Variants in PLEKHG4B observed in about 807,000 individuals in gnomAD.
PLEKHG4B encodes the protein pleckstrin homology and RhoGEF domain containing G4B.
A neutral mutation model predicts 121.3 loss-of-function variants in PLEKHG4B; 111 were observed. The observed-to-expected ratio is 0.92, with a 90% CI of 0.78 to 1.07. PLEKHG4B has a LOEUF of 1.07. Ranked by LOEUF, PLEKHG4B falls within the 50% of genes least tolerant of loss-of-function variation. PLEKHG4B has a pLI of 0.00. For synonymous variants in PLEKHG4B, 738 were observed against 725.0 expected (o/e 1.02, Z -0.29); for missense variants, 1,831 against 1,757.8 (o/e 1.04, Z -0.74).
chr5:154,901 C>A lies in PLEKHG4B; in HGVS notation c.2019C>A (p.Ala673=). The A allele has an allele frequency of 6.2e-7, 1 of 1,613,924 alleles. No individual in the cohort carries two copies. The highest frequency in any genetic ancestry group is 8.5e-7 in the Non-Finnish European group (1 of 1,180,024). Residue 673 remains alanine, a synonymous_variant, in exon 8 of 20, where the codon GCC becomes GCA. Transcript: ENST00000637938. ...GTGAGGTCGTGAGCTCCCTGAAGGCCGTGCACAAATTTGTTGACAGCTGCC... is the reference window on the plus strand; with the variant it reads ...GTGAGGTCGTGAGCTCCCTGAAGGCAGTGCACAAATTTGTTGACAGCTGCC... ...IQCEVVSSLK[A]VHKFVDSCQL...
At position 162,791 on chromosome 5, in the gene PLEKHG4B, A is replaced by G; in HGVS notation, c.2719A>G (p.Ser907Gly). Residue 907 changes from serine to glycine, a missense_variant, in exon 13 of 20, where the codon AGC becomes GGC. Transcript: ENST00000637938. ...CTCACCCGTGGCTGAGTGTTTGAGG[A>G]GCTGTCACCAGGAGGCTACCTCGGT... ...PSSPVAECLR[S>G]CHQEATSVAA... 1.3e-6 allele frequency: 2 copies of G among 1,488,952 alleles called. No homozygotes were observed. Among genetic ancestry groups the G allele is most frequent in the Admixed American group, 2.5e-5 (1 of 40,606 alleles). 92.2% of individuals were successfully genotyped at this position (1,488,952 alleles called of 1,614,324 possible).
In PLEKHG4B at chr5:163,303, G is replaced by A; in HGVS notation, c.3231G>A (p.Lys1077=). The A allele has an allele frequency of 6.2e-7, 1 of 1,613,438 alleles. No individual in the cohort carries two copies. The highest frequency in any genetic ancestry group is 8.5e-7 in the Non-Finnish European group (1 of 1,180,008). The change falls in exon 13 of 20, where the codon AAG becomes AAA. Residue 1077 remains lysine (K), a synonymous_variant. Coordinates refer to ENST00000637938, the MANE Select transcript of PLEKHG4B (RefSeq NM_052909.5). Reference sequence around the variant, plus strand: ...GCCGCCCCAGGAAACATCCCCAGAAGAAAATGATAAAGAAAACGCAAAGTT... The same window carrying A: ...GCCGCCCCAGGAAACATCCCCAGAAAAAAATGATAAAGAAAACGCAAAGTT... ...LASRPRKHPQ[K]KMIKKTQSFE... is the part of the protein sequence containing the mutation.
chr5:135,665 C>CAAAAAAAAAAA (rs139636561), intron 2 of PLEKHG4B, among the ~76,000 whole-genome samples: 6 of 18,112 alleles, frequency 3.3e-4, no homozygotes, highest in African/African-American at 1.4e-3. Context: ...GACTCCATCT[C>CAAAAAAAAAAA]AAAAAAAAAA....
chr5:99,146 AG>A (rs1733720368), intron 1 of PLEKHG4B, among the ~76,000 whole-genome samples: 1 of 123,698 alleles, frequency 8.1e-6, no homozygotes, highest in Non-Finnish European at 1.6e-5. Context: ...ACAGTGCGAG[AG>A]TCTGTCTCAA....
rs756577907 is a variant in PLEKHG4B, at chr5:156,931, G to A, written c.2487+20G>A. On this transcript the variant is annotated intron_variant, in intron 11 of 19. Coordinates refer to ENST00000637938, the MANE Select transcript of PLEKHG4B (RefSeq NM_052909.5). This position sits in a 1 kb window ranked among gnomAD's most constrained non-coding sequence, Gnocchi z 4.4. ...GACCAGGTCAGAGCTGCAGGAGGAA[G>A]GCGGCCCGGTCAGCATCCCCTCCAG... 6.2e-7 allele frequency: 1 copy of A among 1,609,886 alleles called. No individual in the cohort carries two copies. Among genetic ancestry groups the A allele is most frequent in the South Asian group, 1.1e-5 (1 of 89,992 alleles).
chr5:156,750 G>A lies in PLEKHG4B; in HGVS notation c.2349-23G>A. ...TCCTCAAGGGGCCGCCTGGAAGCCT[G>A]AGGACTGCCTTCTCTTCCTCAGGGA... On this transcript the variant is annotated intron_variant, in intron 10 of 19. Transcript: ENST00000637938. This position sits in a 1 kb window ranked among gnomAD's most constrained non-coding sequence, Gnocchi z 4.4. 2 of 1,540,864 alleles carry A rather than the reference G, an allele frequency of 1.3e-6. No homozygotes were observed. Among genetic ancestry groups the A allele is most frequent in the Non-Finnish European group, 1.8e-6 (2 of 1,140,000 alleles).
Position 154,855 on chromosome 5 carries a change from C to A in PLEKHG4B, c.1993-20C>A. ...GAGATGCATCTGGAGCCATGACCAA[C>A]GAGTGCCTCTTCTTGGCAGTGTGAG... is the stretch of plus-strand genomic sequence containing the variant. On this transcript the variant is annotated intron_variant, in intron 7 of 19. Transcript: ENST00000637938. 3.1e-6 allele frequency: 5 copies of A among 1,593,640 alleles called. No individual in the cohort carries two copies. Among genetic ancestry groups the A allele is most frequent in the Non-Finnish European group, 4.3e-6 (5 of 1,162,010 alleles).
rs1735018765 is a variant in PLEKHG4B, at chr5:137,499, G to C, written c.244-1984G>C. ...TGGGCTGTGCCACTGCCTTAACCCG[G>C]ACCAGTTCCCTTCTACAGTGAAGAA... On this transcript the variant is annotated intron_variant, in intron 2 of 19. Coordinates refer to ENST00000637938, the MANE Select transcript of PLEKHG4B (RefSeq NM_052909.5). The surrounding 1 kb of genome is among the most constrained non-coding windows in gnomAD (Gnocchi z 4.2). 6.6e-6 allele frequency among the ~76,000 whole-genome samples: 1 copy of C among 152,102 alleles called. No homozygotes were observed. Among genetic ancestry groups the C allele is most frequent in the African/African-American group, 2.4e-5 (1 of 41,408 alleles).
At chr5:180,730 C>T (rs373338382) in intron 18 of PLEKHG4B, among the ~76,000 whole-genome samples, 4 of 152,330 alleles carry the variant, frequency 2.6e-5, no homozygotes, top group East Asian at 3.9e-4. Context: ...AAATAGCCTT[C>T]GGAGTTAGGG....
rs988231005 is a variant in PLEKHG4B, at chr5:139,096, G to A, written c.244-387G>A. 7.9e-5 allele frequency among the ~76,000 whole-genome samples: 12 copies of A among 152,176 alleles called. No individual in the cohort carries two copies. Among genetic ancestry groups the A allele is most frequent in the African/African-American group, 2.4e-4 (10 of 41,434 alleles). ...CCCCCCATAGGGTGGCCCTGACCAG[G>A]GCTGGCAGGGGCAAGTGTGGACGCC... On this transcript the variant is annotated intron_variant, in intron 2 of 19. Coordinates refer to ENST00000637938, the MANE Select transcript of PLEKHG4B (RefSeq NM_052909.5). The surrounding 1 kb of genome is among the most constrained non-coding windows in gnomAD (Gnocchi z 5.0).
chr5:181,389 G>T, intron 18 of PLEKHG4B, 125 bp from the exon 19 acceptor site: 1 of 993,386 alleles, frequency 1.0e-6, no homozygotes, highest in Non-Finnish European at 1.5e-6. Context: ...CCCTCGTGGG[G>T]CAGGGTGGGT....
intron 18 of PLEKHG4B, among the ~76,000 whole-genome samples, chr5:174,962 G>A (rs1374880593): frequency 3.3e-5 from 5 of 152,052 alleles, no homozygotes; most frequent in Non-Finnish European, 7.4e-5. Context: ...TTCCCCATGG[G>A]CACCCAAGAG....
intron 1 of PLEKHG4B, among the ~76,000 whole-genome samples, chr5:96,722 C>T (rs1450557926): frequency 6.6e-6 from 1 of 152,130 alleles, no homozygotes; most frequent in Non-Finnish European, 1.5e-5. Flanking sequence ...ACAGTGACCA[C>T]TCATGCCTCC....
In PLEKHG4B at chr5:161,012, G is replaced by T. The variant is rs976500659; in HGVS notation, c.2488-771G>T. Among the ~76,000 whole-genome samples the T allele has an allele frequency of 2.0e-5, 3 of 152,330 alleles. No individual in the cohort carries two copies. In the East Asian group the frequency reaches 5.8e-4, roughly 29 times the overall value. On this transcript the variant is annotated intron_variant, in intron 11 of 19. Coordinates refer to ENST00000637938, the MANE Select transcript of PLEKHG4B (RefSeq NM_052909.5). Reference sequence around the variant, plus strand: ...CATTCGGTACCTTCTGATGGTCATGGATCCAGGCAGCTGTTCTCTTCTTCA... The same window carrying T: ...CATTCGGTACCTTCTGATGGTCATGTATCCAGGCAGCTGTTCTCTTCTTCA...
chr5:153,051 T>C (rs1236023750), intron 7 of PLEKHG4B, among the ~76,000 whole-genome samples: 1 of 152,246 alleles, frequency 6.6e-6, no homozygotes, highest in Non-Finnish European at 1.5e-5. Context: ...TTTACAGCAG[T>C]GTGAAAACAG....
intron 2 of PLEKHG4B, among the ~76,000 whole-genome samples, chr5:115,361 A>G (rs1579249623): frequency 6.6e-6 from 1 of 152,222 alleles, no homozygotes; most frequent in South Asian, 2.1e-4. Context: ...TTCTATTTAT[A>G]GAGCAAGGCC....
rs1361918456 is a variant in PLEKHG4B at position 173,951 on chromosome 5, G to T, written c.4255G>T (p.Asp1419Tyr). The part of the protein sequence containing the change: ...AEIGMTENVG[D>Y]SGLRFEIWFR... The stretch of plus-strand genomic sequence containing the variant: ...GATCGGGATGACAGAGAACGTCGGG[G>T]ACAGTGGCTTGAGGTTTGAGATTTG... The change falls in exon 18 of 20, where the codon GAC (aspartate) becomes TAC (tyrosine). Residue 1419 changes from aspartate to tyrosine, a missense_variant. Physicochemically the swap from Asp to Tyr is radical, Grantham distance 160 (BLOSUM62 -3). Coordinates refer to ENST00000637938, the MANE Select transcript of PLEKHG4B (RefSeq NM_052909.5). 1.2e-6 allele frequency: 2 copies of T among 1,613,664 alleles called. No individual in the cohort carries two copies. The highest frequency in any genetic ancestry group is 1.7e-6 in the Non-Finnish European group (2 of 1,179,930).
chr5:131,994 C>G (rs922377334), intron 2 of PLEKHG4B, among the ~76,000 whole-genome samples: 79 of 151,992 alleles, frequency 5.2e-4, no homozygotes, highest in African/African-American at 1.8e-3. Flanking sequence ...ACAAAATACC[C>G]TAGGAATAAA....
chr5:187,938 C>T lies in PLEKHG4B; in HGVS notation c.*5615C>T, dbSNP rs1733675401. The stretch of plus-strand genomic sequence containing the variant: ...GTCAGGTCAGAGGGCAGCAGGAGGC[C>T]ACCCCACCTCCCCGGGTTCCCTCGA... On this transcript the variant is annotated 3_prime_UTR_variant, in exon 20 of 20. Coordinates refer to ENST00000637938, the MANE Select transcript of PLEKHG4B (RefSeq NM_052909.5). 6.6e-6 allele frequency: 1 copy of T among 152,488 alleles called. No homozygotes were observed. Among genetic ancestry groups the T allele is most frequent in the Non-Finnish European group, 1.5e-5 (1 of 68,254 alleles). 9.4% of individuals were successfully genotyped at this position (152,488 alleles called of 1,614,324 possible). A position where few individuals can be genotyped will look rare whatever the true frequency, so the allele number is the denominator to read the frequency against.
Sources: gnomAD v4.1 joint callset for allele counts (sites outside exome capture counted in the v4.1 genomes callset) on GRCh38, gnomAD v4.1.1 for gene constraint, Gnocchi (gnomAD v3.1) non-coding constraint, MANE v1.5 for transcripts, NCBI Gene and HGNC (gene_info 2026-07-23, HGNC 2026-07-21) for gene names.